AMOTL1: variants seen among roughly 807,000 people sequenced by gnomAD.
The protein encoded by AMOTL1 is angiomotin-like protein 1.
A neutral mutation model predicts 102.9 loss-of-function variants in AMOTL1; 45 were observed. The observed-to-expected ratio is 0.44, with a 90% CI of 0.34 to 0.56. AMOTL1 has a LOEUF of 0.56. Ranked by LOEUF, AMOTL1 falls within the 20% of genes least tolerant of loss-of-function variation. The pLI is 0.01. For synonymous variants in AMOTL1, 481 were observed against 484.7 expected (o/e 0.99, Z 0.10); for missense variants, 1,114 against 1,225.6 (o/e 0.91, Z 1.36).
At chr11:94,783,190 G>A (rs1370013433) in intron 1 of AMOTL1, among the ~76,000 whole-genome samples, 1 of 152,198 alleles carries the variant, frequency 6.6e-6, no homozygotes, top group East Asian at 1.9e-4. Flanking sequence ...TATGGCACTA[G>A]TCAAGTTACT....
intron 1 of AMOTL1, among the ~76,000 whole-genome samples, chr11:94,710,175 G>C (rs960304416): frequency 1.3e-5 from 2 of 152,146 alleles, no homozygotes; most frequent in Non-Finnish European, 2.9e-5. Flanking sequence ...GAATTTGTTA[G>C]GGGAAGGAGG....
At chr11:94,847,295 G>A (rs567187606) in intron 6 of AMOTL1, among the ~76,000 whole-genome samples, 1 of 152,260 alleles carries the variant, frequency 6.6e-6, no homozygotes, top group South Asian at 2.1e-4. Flanking sequence ...TGGGTTTGAA[G>A]GTCGAGTGGA....
chr11:94,833,457 A>G (rs900587014), intron 6 of AMOTL1, among the ~76,000 whole-genome samples: 1 of 152,220 alleles, frequency 6.6e-6, no homozygotes, highest in Admixed American at 6.5e-5. Context: ...TATGTCACAG[A>G]TATTTTCTCC....
At position 94,799,143 on chromosome 11, in the gene AMOTL1, G is replaced by A. The variant is rs550305279; in HGVS notation, c.200-247G>A. 1.5e-4 allele frequency among the ~76,000 whole-genome samples: 23 copies of A among 152,208 alleles called. No homozygotes were observed. The highest frequency in any genetic ancestry group is 5.1e-4 in the African/African-American group (21 of 41,516). Reference sequence around the variant, plus strand: ...ACCGGTGGGGAGATTAGAGAAAAGGGAGGGGTTGAAGGATGGAACAATGTT... The same window carrying A: ...ACCGGTGGGGAGATTAGAGAAAAGGAAGGGGTTGAAGGATGGAACAATGTT... On this transcript the variant is annotated intron_variant, in intron 2 of 12. Coordinates refer to ENST00000433060, the MANE Select transcript of AMOTL1 (RefSeq NM_130847.3). This position sits in a 1 kb window ranked among gnomAD's most constrained non-coding sequence, Gnocchi z 4.5.
intron 2 of AMOTL1, among the ~76,000 whole-genome samples, chr11:94,738,383 G>T (rs1463101238): frequency 6.6e-6 from 1 of 151,854 alleles, no homozygotes; most frequent in African/African-American, 2.4e-5. Flanking sequence ...TCAGCCTCCT[G>T]AGTAGCTGGG....
At chr11:94,865,274 T>C (rs959785171) in intron 10 of AMOTL1, among the ~76,000 whole-genome samples, 4 of 152,188 alleles carry the variant, frequency 2.6e-5, no homozygotes, top group African/African-American at 9.7e-5. Context: ...ATTTAGCTAA[T>C]GCACTCTTCT....
At chr11:94,792,666 G>C (rs1368969878) in intron 1 of AMOTL1, among the ~76,000 whole-genome samples, 1 of 152,178 alleles carries the variant, frequency 6.6e-6, no homozygotes, top group Non-Finnish European at 1.5e-5. Flanking sequence ...CTCAGTGGAC[G>C]TGCAGGACCC....
At chr11:94,849,524 A>G (rs1310425141) in intron 6 of AMOTL1, among the ~76,000 whole-genome samples, 4 of 152,172 alleles carry the variant, frequency 2.6e-5, no homozygotes, top group African/African-American at 9.7e-5. Flanking sequence ...AGAGAAAAGC[A>G]GTTTTCCTAA....
chr11:94,768,406 G>T lies in AMOTL1; in HGVS notation c.-106G>T. 6.6e-7 allele frequency: 1 copy of T among 1,524,748 alleles called. No individual in the cohort carries two copies. Among genetic ancestry groups the T allele is most frequent in the South Asian group, 1.2e-5 (1 of 82,530 alleles). 94.5% of individuals were successfully genotyped at this position (1,524,748 alleles called of 1,614,324 possible). ...GCAGCGGTTGTCGGGTTTGGGGCTG[G>T]AGGTGAAGCCCTGTGTGAATGGGGT... On this transcript the variant is annotated 5_prime_UTR_variant, in exon 1 of 13. Transcript: ENST00000433060.
intron 1 of AMOTL1, among the ~76,000 whole-genome samples, chr11:94,770,369 G>A (rs1471073737): frequency 1.3e-5 from 2 of 151,242 alleles, no homozygotes; most frequent in African/African-American, 4.9e-5. Context: ...TAGAATGAAG[G>A]AAAACACCGA....
At chr11:94,726,551 T>G (rs1950262342) in intron 1 of AMOTL1, among the ~76,000 whole-genome samples, 1 of 115,772 alleles carries the variant, frequency 8.6e-6, no homozygotes. Context: ...GGCATATTAG[T>G]ATTTGTGCTG....
At chr11:94,785,367 G>A (rs1055918749) in intron 1 of AMOTL1, among the ~76,000 whole-genome samples, 4 of 152,052 alleles carry the variant, frequency 2.6e-5, no homozygotes, top group Non-Finnish European at 5.9e-5. Flanking sequence ...TGTAACTCTG[G>A]GCATTATGTA....
At position 94,795,143 on chromosome 11, in the gene AMOTL1, G is replaced by A. The variant is rs1951343688; in HGVS notation, c.182G>A (p.Ser61Asn). Residue 61 changes from serine (S) to asparagine (N), a missense_variant, in exon 2 of 13, where the codon AGC becomes AAC. Physicochemically the swap from Ser to Asn is conservative, Grantham distance 46. Coordinates refer to ENST00000433060, the MANE Select transcript of AMOTL1 (RefSeq NM_130847.3). Reference sequence around the variant, plus strand: ...GCTTTGACGGTGGAGGCAACCAGTAGCATCAGGGAAAAAGTTGGTAAGTCC... The same window carrying A: ...GCTTTGACGGTGGAGGCAACCAGTAACATCAGGGAAAAAGTTGGTAAGTCC... ...TSALTVEATS[S>N]IREKVVEDPL... 1 of 1,613,520 alleles carries A rather than the reference G, an allele frequency of 6.2e-7. No individual in the cohort carries two copies. Among genetic ancestry groups the A allele is most frequent in the Admixed American group, 1.7e-5 (1 of 59,960 alleles).
intron 4 of AMOTL1, among the ~76,000 whole-genome samples, chr11:94,827,945 C>G (rs1418084004): frequency 6.6e-6 from 1 of 152,114 alleles, no homozygotes; most frequent in Non-Finnish European, 1.5e-5. Context: ...TTTTGGCCTT[C>G]TAATCTTCTG....
chr11:94,781,344 T>C (rs375850512), intron 1 of AMOTL1, among the ~76,000 whole-genome samples: 10 of 152,338 alleles, frequency 6.6e-5, no homozygotes, highest in African/African-American at 2.4e-4. Flanking sequence ...CCAGGGGCCA[T>C]GGCCATCTTC....
At position 94,871,343 on chromosome 11, in the gene AMOTL1, C is replaced by T. The variant is rs1952992652; in HGVS notation, c.*548C>T. On this transcript the variant is annotated 3_prime_UTR_variant, in exon 13 of 13. Transcript: ENST00000433060. ...GGGGAATATGAAAGTTGGTCTTCAC[C>T]TAATTACCTGTTTGGTTTGGATTTT... is the stretch of plus-strand genomic sequence containing the variant. The T allele has an allele frequency of 6.6e-6, 1 of 152,254 alleles. No individual in the cohort carries two copies. Among genetic ancestry groups the T allele is most frequent in the African/African-American group, 2.4e-5 (1 of 41,406 alleles). 9.4% of individuals were successfully genotyped at this position (152,254 alleles called of 1,614,324 possible). A position where few individuals can be genotyped will look rare whatever the true frequency, so the allele number is the denominator to read the frequency against.
At chr11:94,764,155 A>G (rs1025916765), upstream of AMOTL1, among the ~76,000 whole-genome samples, 1 of 152,044 alleles carries the variant, frequency 6.6e-6, no homozygotes, top group Admixed American at 6.5e-5. Context: ...TGCTCCCATA[A>G]TGCTTTGTGT....
chr11:94,765,085 C>G (rs1230670239), upstream of AMOTL1, among the ~76,000 whole-genome samples: 1 of 152,310 alleles, frequency 6.6e-6, no homozygotes, highest in East Asian at 1.9e-4. Flanking sequence ...CATCCTGGTA[C>G]TCGTCCTGTT....
intron 3 of AMOTL1, among the ~76,000 whole-genome samples, chr11:94,756,084 T>TCTC (rs1950721018): frequency 6.6e-6 from 1 of 151,198 alleles, no homozygotes; most frequent in African/African-American, 2.4e-5. Context: ...GCAGCCAGAC[T>TCTC]CTCCTCTGAC....
Sources: allele counts gnomAD v4.1 joint callset (sites outside exome capture counted in the v4.1 genomes callset), GRCh38; gene constraint gnomAD v4.1.1; non-coding constraint Gnocchi (gnomAD v3.1); transcripts MANE v1.5; gene names NCBI Gene and HGNC (gene_info 2026-07-23, HGNC 2026-07-21).